Variants in PFKFB3 observed in about 807,000 individuals in gnomAD.
PFKFB3 encodes the protein 6-phosphofructo-2-kinase/fructose-2,6-biphosphatase 3.
PFKFB3 carries 33 observed loss-of-function variants against 68.0 expected under a neutral mutation model. That is an observed-to-expected ratio of 0.49 (90% confidence interval 0.37 to 0.65). The LOEUF (loss-of-function observed/expected upper bound fraction) is 0.65. Ranked by LOEUF, PFKFB3 falls within the 30% of genes least tolerant of loss-of-function variation. PFKFB3 has a pLI of 0.00. For synonymous variants in PFKFB3, 315 were observed against 288.2 expected, an observed-to-expected ratio of 1.09 and a Z score of -0.94; for missense variants, 586 against 712.2, an observed-to-expected ratio of 0.82 and a Z score of 2.02.
At chr10:6,226,744 CT>C (rs569778132) in intron 14 of PFKFB3, among the ~76,000 whole-genome samples, 68 of 152,308 alleles carry the variant, frequency 4.5e-4, no homozygotes, top group African/African-American at 1.5e-3. Flanking sequence ...AAGAAAGTGG[CT>C]ACTTTCTCAC....
rs1042277755 is a variant in PFKFB3 at position 6,228,018 on chromosome 10, A to G, written c.1515+1653A>G. On this transcript the variant is annotated intron_variant, in intron 14 of 14. Transcript: ENST00000379775. This position sits in a 1 kb window ranked among gnomAD's most constrained non-coding sequence, Gnocchi z 4.5. ...TGGAGGACGCAGTGGCAGGGGCTGC[A>G]TCCTCCTGTCCGCTTCAGAGCTGCC... is the stretch of plus-strand genomic sequence containing the variant. 2.0e-5 allele frequency among the ~76,000 whole-genome samples: 3 copies of G among 152,124 alleles called. No homozygotes were observed. The highest frequency in any genetic ancestry group is 7.2e-5 in the African/African-American group (3 of 41,428).
the PFKFB3 span, among the ~76,000 whole-genome samples, chr10:6,314,820 T>C: frequency 2.6e-5 from 4 of 152,146 alleles, no homozygotes; most frequent in Non-Finnish European, 5.9e-5. Flanking sequence ...GACGAACCCA[T>C]CATGAGAAGC....
chr10:6,294,352 C>T, the PFKFB3 span: 1 of 369,106 alleles, frequency 2.7e-6, no homozygotes, highest in East Asian at 7.3e-5. Flanking sequence ...ACTCACAGTT[C>T]CACATGGCTG....
At chr10:6,283,347 G>A in the PFKFB3 span, among the ~76,000 whole-genome samples, 9 of 152,332 alleles carry the variant, frequency 5.9e-5, no homozygotes, top group African/African-American at 2.2e-4. Context: ...GGTAGAACAT[G>A]ACTCAAAGCA....
chr10:6,319,883 A>G, the PFKFB3 span, among the ~76,000 whole-genome samples: 1 of 152,158 alleles, frequency 6.6e-6, no homozygotes, highest in Non-Finnish European at 1.5e-5. Context: ...TAAAGGGACC[A>G]TTCTTGGTCA....
intron 1 of PFKFB3, among the ~76,000 whole-genome samples, chr10:6,185,863 C>T (rs1842855994): frequency 6.6e-6 from 1 of 152,190 alleles, no homozygotes; most frequent in African/African-American, 2.4e-5. Flanking sequence ...TGGTCTTGAA[C>T]TCCTGACCTC....
At chr10:6,265,691 A>G in the PFKFB3 span, among the ~76,000 whole-genome samples, 1 of 152,096 alleles carries the variant, frequency 6.6e-6, no homozygotes, top group Non-Finnish European at 1.5e-5. Context: ...TAAGCAATCT[A>G]TGGGGAAACA....
chr10:6,293,732 T>G, the PFKFB3 span: 1 of 337,802 alleles, frequency 3.0e-6, no homozygotes, highest in Non-Finnish European at 6.1e-6. Context: ...CTGTCATGAA[T>G]GGACGTAGAA....
chr10:6,174,490 G>A (rs2131754522), intron 1 of PFKFB3, among the ~76,000 whole-genome samples: 1 of 152,346 alleles, frequency 6.6e-6, no homozygotes, highest in East Asian at 1.9e-4. Flanking sequence ...CCGTGGCCCG[G>A]GCTGACCTGG....
chr10:6,276,837 T>TG, the PFKFB3 span, among the ~76,000 whole-genome samples: 48 of 85,040 alleles, frequency 5.6e-4, 1 homozygote, highest in African/African-American at 1.6e-3. Flanking sequence ...TTTATATGTA[T>TG]TTGTGTGTGT....
intron 1 of PFKFB3, among the ~76,000 whole-genome samples, chr10:6,210,429 C>G (rs71485449): frequency 4.1e-5 from 4 of 96,696 alleles, no homozygotes; most frequent in African/African-American, 1.2e-4. Context: ...GGCGCTATCT[C>G]GGCTCACTGC....
Position 6,232,189 on chromosome 10 carries a change from G to A in PFKFB3, c.1516-706G>A, listed in dbSNP as rs960996076. 4.6e-5 allele frequency among the ~76,000 whole-genome samples: 7 copies of A among 151,688 alleles called. No individual in the cohort carries two copies. The East Asian group carries it at 5.8e-4, about 13-fold the overall frequency. On this transcript the variant is annotated intron_variant, in intron 14 of 14. Coordinates refer to ENST00000379775, the MANE Select transcript of PFKFB3 (RefSeq NM_004566.4). ...TGAAGCAGGTCACGGAAGGAGGCCC[G>A]CTGTGCAGTGGCTGCAGTCAGTTGT...
At chr10:6,266,015 ATCC>A in the PFKFB3 span, among the ~76,000 whole-genome samples, 1 of 151,992 alleles carries the variant, frequency 6.6e-6, no homozygotes, top group African/African-American at 2.4e-5. Context: ...CGCTCAAGGA[ATCC>A]TCCTGCCTTA....
intron 14 of PFKFB3, among the ~76,000 whole-genome samples, chr10:6,230,562 T>C (rs1351084189): frequency 6.6e-6 from 1 of 152,086 alleles, no homozygotes; most frequent in Non-Finnish European, 1.5e-5. Context: ...AGGGAGGAAC[T>C]TGGTGCCCTG....
At chr10:6,157,657 G>T (rs2131701281) in intron 1 of PFKFB3, among the ~76,000 whole-genome samples, 1 of 152,264 alleles carries the variant, frequency 6.6e-6, no homozygotes, top group South Asian at 2.1e-4. Flanking sequence ...GTTTATAAAT[G>T]GGGTATGACA....
At chr10:6,267,670 A>T in the PFKFB3 span, among the ~76,000 whole-genome samples, 3 of 151,988 alleles carry the variant, frequency 2.0e-5, no homozygotes, top group Non-Finnish European at 2.9e-5. Flanking sequence ...AGATCAAATT[A>T]CTGGCCGGGT....
At position 6,221,724 on chromosome 10, in the gene PFKFB3, T is replaced by C. The variant is rs1259765421; in HGVS notation, c.1062T>C (p.Tyr354=). Reference sequence around the variant, plus strand: ...CGCTGCGGGAGCAGGACAAGTACTATTACCGCTACCCCACCGGGGAGGTGA... The same window carrying C: ...CGCTGCGGGAGCAGGACAAGTACTACTACCGCTACCCCACCGGGGAGGTGA... The part of the protein sequence containing the change: ...EYALREQDKY[Y]YRYPTGESYQ... Residue 354 remains tyrosine (Y), a synonymous_variant, in exon 10 of 15, where the codon TAT becomes TAC. Transcript: ENST00000379775. 5 of 1,604,060 alleles carry C rather than the reference T, an allele frequency of 3.1e-6. No individual in the cohort carries two copies. The highest frequency in any genetic ancestry group is 1.7e-5 in the Admixed American group (1 of 58,306).
At chr10:6,243,689 C>G (rs543418956) in intron 14 of PFKFB3, among the ~76,000 whole-genome samples, 1 of 152,180 alleles carries the variant, frequency 6.6e-6, no homozygotes, top group African/African-American at 2.4e-5. Flanking sequence ...TTATAACTGC[C>G]AGGCTTTAGG....
At chr10:6,293,171 A>G in the PFKFB3 span, 18 of 467,328 alleles carry the variant, frequency 3.9e-5, no homozygotes, top group Middle Eastern at 8.0e-4. Context: ...CTGTTCAAAG[A>G]TAAAAGAAGA....
Sources: gnomAD v4.1 joint callset for allele counts (sites outside exome capture counted in the v4.1 genomes callset) on GRCh38, gnomAD v4.1.1 for gene constraint, Gnocchi (gnomAD v3.1) non-coding constraint, MANE v1.5 for transcripts, NCBI Gene and HGNC (gene_info 2026-07-23, HGNC 2026-07-21) for gene names.